USH2A: variants seen among roughly 807,000 people sequenced by gnomAD.
USH2A encodes the protein usherin, also known as Usher syndrome 2A (autosomal recessive, mild).
A neutral mutation model predicts 538.9 loss-of-function variants in USH2A; 443 were observed. The ratio of observed to expected loss-of-function variants is 0.82; its 90% CI spans 0.76 to 0.89. The LOEUF (loss-of-function observed/expected upper bound fraction) is 0.89. Ranked by LOEUF, USH2A falls within the 40% of genes least tolerant of loss-of-function variation. The pLI, the probability that USH2A is intolerant of heterozygous loss-of-function variation, is 0.00. For synonymous variants in USH2A, 2,413 were observed against 2,273.5 expected, an observed-to-expected ratio of 1.06 and a Z score of -1.75; for missense variants, 6,633 against 6,324.8, an observed-to-expected ratio of 1.05 and a Z score of -1.65.
intron 18 of USH2A, among the ~76,000 whole-genome samples, chr1:216,197,981 C>T (rs2034889438): frequency 6.6e-6 from 1 of 152,038 alleles, no homozygotes; most frequent in Admixed American, 6.6e-5. Flanking sequence ...GTATATGGAG[C>T]AAGATGAGAC....
chr1:215,803,738 C>A (rs1662408480), intron 49 of USH2A, among the ~76,000 whole-genome samples: 1 of 152,124 alleles, frequency 6.6e-6, no homozygotes, highest in South Asian at 2.1e-4. Context: ...AATGCCATCC[C>A]CATCAAGCTA....
chr1:215,874,862 T>C lies in USH2A; in HGVS notation c.8681+2896A>G, dbSNP rs117500176. On this transcript the variant is annotated intron_variant, in intron 43 of 71. Transcript: ENST00000307340. ...AATTACATAATCCTCCCAAAGATAT[T>C]AGAATTCAATTAAAAACCCAGGAAA... Among the ~76,000 whole-genome samples, 135 of 152,268 alleles carry C rather than the reference T, an allele frequency of 8.9e-4. 2 individuals are homozygous for C. The East Asian group carries it at 0.019, about 21-fold the overall frequency.
chr1:216,189,280 C>T (rs2034669377), intron 20 of USH2A, among the ~76,000 whole-genome samples: 1 of 151,512 alleles, frequency 6.6e-6, no homozygotes, highest in Admixed American at 6.6e-5. Flanking sequence ...GAAAAAAAAC[C>T]CTACATAATT....
chr1:215,630,947 C>G (rs975875791), intron 70 of USH2A, among the ~76,000 whole-genome samples: 3 of 151,540 alleles, frequency 2.0e-5, no homozygotes, highest in African/African-American at 4.9e-5. Context: ...TTTAGTATTG[C>G]AGGGAATGAA....
intron 12 of USH2A, among the ~76,000 whole-genome samples, chr1:216,247,777 C>A (rs192666442): frequency 6.6e-6 from 1 of 151,972 alleles, no homozygotes; most frequent in Non-Finnish European, 1.5e-5. Flanking sequence ...AATGTTCTCA[C>A]CCCAAAAACA....
At chr1:215,973,656 C>CTTTTT (rs750306238) in intron 35 of USH2A, among the ~76,000 whole-genome samples, 77 of 130,938 alleles carry the variant, frequency 5.9e-4, no homozygotes, top group African/African-American at 1.1e-3. Context: ...TCTTCTTCTT[C>CTTTTT]TTTTTTTTTT....
chr1:215,743,888 AAAGTT>A (rs1206131390), intron 58 of USH2A, among the ~76,000 whole-genome samples: 6 of 152,142 alleles, frequency 3.9e-5, no homozygotes, highest in Non-Finnish European at 8.8e-5. Context: ...AAGCTTCACA[AAAGTT>A]AAGTTGGCAA....
chr1:215,785,586 C>G (rs1358474993), intron 52 of USH2A, among the ~76,000 whole-genome samples: 2 of 152,114 alleles, frequency 1.3e-5, no homozygotes, highest in South Asian at 4.1e-4. Context: ...GTGCAGCACA[C>G]CAACATGGCA....
Position 216,097,151 on chromosome 1 carries a change from C to CAGGTGAT in USH2A, c.4683_4689dup (p.Gly1564IlefsTer23). 6.2e-7 allele frequency: 1 copy of CAGGTGAT among 1,614,102 alleles called. No homozygotes were observed. The highest frequency in any genetic ancestry group is 8.5e-7 in the Non-Finnish European group (1 of 1,180,004). On this transcript the variant is annotated frameshift_variant, in exon 22 of 72. Transcript: ENST00000307340. LOFTEE classifies it high-confidence loss of function. ...AGTGCAAAATACTCTTCCTGATTGC[C>CAGGTGAT]AGGTGATGCTGCAAAGACAATCAAA...
chr1:215,761,057 C>T (rs919570540), intron 56 of USH2A, among the ~76,000 whole-genome samples: 1 of 152,112 alleles, frequency 6.6e-6, no homozygotes, highest in Non-Finnish European at 1.5e-5. Flanking sequence ...TTCTTTGCAC[C>T]ATTCACAGAG....
chr1:215,647,689 G>A lies in USH2A; in HGVS notation c.14624C>T (p.Ala4875Val). Residue 4875 changes from alanine (A) to valine (V), a missense_variant, in exon 67 of 72, where the codon GCC becomes GTC. Coordinates refer to ENST00000307340, the MANE Select transcript of USH2A (RefSeq NM_206933.4). ...QFHVACPPDS[A>V]LPCTPSQIET... ...TATTTGGCTGGGAGTACAGGGGAGG[G>A]CTGAGTCAGGAGGGCAAGCCACGTG... is the stretch of plus-strand genomic sequence containing the variant. 6.2e-7 allele frequency: 1 copy of A among 1,614,202 alleles called. No homozygotes were observed. The highest frequency in any genetic ancestry group is 1.1e-5 in the South Asian group (1 of 91,088).
At position 215,634,464 on chromosome 1, in the gene USH2A, G is replaced by T. The variant is rs1239381242; in HGVS notation, c.15292C>A (p.His5098Asn). The change falls in exon 70 of 72, where the codon CAT (histidine) becomes AAT (asparagine). Residue 5098 changes from histidine (H) to asparagine (N), a missense_variant. Physicochemically the swap from His to Asn is moderately conservative, Grantham distance 68 (BLOSUM62 1). Transcript: ENST00000307340. ...PLNVYPPGENHMGLADTKIPR... is the reference protein window; with the variant it reads ...PLNVYPPGENNMGLADTKIPR... ...CCACACCTCTACAAACATACCATAT[G>T]GTTTTCCCCCGGTGGGTAAACATTC... The T allele has an allele frequency of 6.2e-7, 1 of 1,614,118 alleles. No homozygotes were observed. Among genetic ancestry groups the T allele is most frequent in the Admixed American group, 1.7e-5 (1 of 60,022 alleles).
chr1:216,169,485 A>G (rs1440400162), intron 21 of USH2A, among the ~76,000 whole-genome samples: 2 of 152,164 alleles, frequency 1.3e-5, no homozygotes, highest in Non-Finnish European at 2.9e-5. Context: ...AGTGCCATCA[A>G]TGCCACCTGA....
At chr1:216,191,713 A>G (rs1476157588) in intron 19 of USH2A, among the ~76,000 whole-genome samples, 2 of 151,982 alleles carry the variant, frequency 1.3e-5, no homozygotes, top group African/African-American at 4.8e-5. Context: ...TTGCTGTAAT[A>G]TTCATCCCTT....
At chr1:215,823,724 C>G (rs1663076953) in intron 47 of USH2A, among the ~76,000 whole-genome samples, 1 of 151,862 alleles carries the variant, frequency 6.6e-6, no homozygotes, top group Non-Finnish European at 1.5e-5. Context: ...GTGATCTTCA[C>G]TTGTTTTCAT....
intron 21 of USH2A, among the ~76,000 whole-genome samples, chr1:216,165,005 G>A (rs2034138043): frequency 6.6e-6 from 1 of 152,096 alleles, no homozygotes. Context: ...GAAACCTGGG[G>A]AGTCTGACTC....
chr1:215,746,915 C>T (rs11120617), intron 58 of USH2A, among the ~76,000 whole-genome samples: 45,949 of 151,930 alleles, frequency 0.3, 7,196 homozygotes, highest in Admixed American at 0.39. Context: ...GAAGGGGAAC[C>T]AGCAGAATCC....
rs149592734 is a variant in USH2A at position 215,864,493 on chromosome 1, G to A, written c.8845+2514C>T. Among the ~76,000 whole-genome samples, 537 of 152,232 alleles carry A rather than the reference G, an allele frequency of 3.5e-3. 1 individual carries two copies. The highest frequency in any genetic ancestry group is 4.9e-3 in the Non-Finnish European group (335 of 68,000). ...TATTGGGACCAGGAAAATGGGGACC[G>A]GGTCAGATTTTTAGGGCATGATCTG... is the stretch of plus-strand genomic sequence containing the variant. On this transcript the variant is annotated intron_variant, in intron 44 of 71. Transcript: ENST00000307340.
chr1:215,861,707 A>G (rs1664318311), intron 44 of USH2A, among the ~76,000 whole-genome samples: 1 of 152,200 alleles, frequency 6.6e-6, no homozygotes, highest in Non-Finnish European at 1.5e-5. Context: ...ACAAACACAT[A>G]CTACTGGTAT....
Sources: allele counts gnomAD v4.1 joint callset (sites outside exome capture counted in the v4.1 genomes callset), GRCh38; gene constraint gnomAD v4.1.1; transcripts MANE v1.5; gene names NCBI Gene and HGNC (gene_info 2026-07-23, HGNC 2026-07-21).